EWSR1: variants seen among roughly 807,000 people sequenced by gnomAD.
EWSR1 encodes the protein EWS RNA binding protein 1, also known as RNA-binding protein EWS.
Under a neutral mutation model 92.1 loss-of-function variants are expected in EWSR1, and 14 were observed. The ratio of observed to expected loss-of-function variants is 0.15; its 90% CI spans 0.10 to 0.24. The LOEUF (loss-of-function observed/expected upper bound fraction) is 0.24, where lower values mean the gene tolerates loss of function less well. Ranked by LOEUF, EWSR1 falls within the 10% of genes least tolerant of loss-of-function variation. EWSR1 has a pLI of 1.00. For missense variants in EWSR1, 637 were observed against 870.9 expected (o/e 0.73, Z 3.38); for synonymous variants, 303 against 292.9 (o/e 1.03, Z -0.35).
intron 1 of EWSR1, among the ~76,000 whole-genome samples, chr22:29,270,336 G>T (rs1290426662): frequency 6.6e-6 from 1 of 152,218 alleles, no homozygotes; most frequent in Non-Finnish European, 1.5e-5. Flanking sequence ...CTCAATCACA[G>T]TGAAGTGATT....
rs550839155 is a variant in EWSR1, at chr22:29,286,186, G to A, written c.582-737G>A. Among the ~76,000 whole-genome samples the A allele has an allele frequency of 1.3e-4, 20 of 150,258 alleles. No individual in the cohort carries two copies. In the East Asian group the frequency reaches 3.0e-3, roughly 23 times the overall value. The stretch of plus-strand genomic sequence containing the variant: ...GAGACGGAATCTTCACTCTGTTCCC[G>A]AGTCGCCAAGGCTGGAGTACAGTAG... On this transcript the variant is annotated intron_variant, in intron 6 of 16. Transcript: ENST00000397938.
In EWSR1 at chr22:29,296,396, T is replaced by C. The variant is rs539381362; in HGVS notation, c.1294+28T>C. Reference sequence around the variant, plus strand: ...GAGATGTACTCACTGGCATTCTTAATCTCCCTGGCTATAGAATATGGCATG... The same window carrying C: ...GAGATGTACTCACTGGCATTCTTAACCTCCCTGGCTATAGAATATGGCATG... On this transcript the variant is annotated intron_variant, in intron 12 of 16. Coordinates refer to ENST00000397938, the MANE Select transcript of EWSR1 (RefSeq NM_005243.4). 3.8e-5 allele frequency: 61 copies of C among 1,611,998 alleles called. No homozygotes were observed. In the South Asian group the frequency reaches 6.7e-4, roughly 18 times the overall value.
intron 4 of EWSR1, chr22:29,277,234 T>C (rs1569060450): frequency 8.8e-6 from 2 of 226,412 alleles, no homozygotes; most frequent in Non-Finnish European, 8.8e-6. Flanking sequence ...CCTCCAATAT[T>C]GCTGAGCAGG....
intron 11 of EWSR1, among the ~76,000 whole-genome samples, chr22:29,294,209 C>G (rs1278721635): frequency 6.6e-6 from 1 of 152,108 alleles, no homozygotes; most frequent in Non-Finnish European, 1.5e-5. Context: ...AAAGGTCTTG[C>G]AAATTTTACT....
At chr22:29,298,647 T>G in intron 13 of EWSR1, 86 bp from the exon 14 acceptor site, 1 of 1,495,866 alleles carries the variant, frequency 6.7e-7, no homozygotes, top group Non-Finnish European at 9.3e-7. Flanking sequence ...GTAGTATCTG[T>G]GGGTTTACTT....
At chr22:29,282,945 G>C (rs2059726122) in intron 6 of EWSR1, among the ~76,000 whole-genome samples, 1 of 151,928 alleles carries the variant, frequency 6.6e-6, no homozygotes, top group Non-Finnish European at 1.5e-5. Context: ...TGTATTTTTA[G>C]TAGAGACAGG....
intron 7 of EWSR1, among the ~76,000 whole-genome samples, chr22:29,288,135 G>C (rs2147394505): frequency 6.6e-6 from 1 of 152,324 alleles, no homozygotes; most frequent in Non-Finnish European, 1.5e-5. Context: ...ATTATCTTCA[G>C]AATTTAGGAT....
At chr22:29,292,232 T>C in intron 10 of EWSR1, 63 bp downstream of exon 10, 1 of 1,485,258 alleles carries the variant, frequency 6.7e-7, no homozygotes, top group East Asian at 2.3e-5. Flanking sequence ...CAGAGGTAAA[T>C]GCATGCGTAG....
chr22:29,273,419 T>A (rs1361187538), intron 3 of EWSR1, among the ~76,000 whole-genome samples: 1 of 152,134 alleles, frequency 6.6e-6, no homozygotes, highest in Non-Finnish European at 1.5e-5. Context: ...CCCTTGAGAG[T>A]GTCTTGTTAA....
intron 11 of EWSR1, 183 bp from the exon 12 acceptor site, chr22:29,296,056 T>C: frequency 4.8e-6 from 3 of 628,890 alleles, no homozygotes; most frequent in Non-Finnish European, 7.9e-6. Flanking sequence ...TTGGTTTTTA[T>C]GATAAAGCAG....
chr22:29,294,065 G>A (rs562000106), intron 11 of EWSR1, among the ~76,000 whole-genome samples: 4 of 149,354 alleles, frequency 2.7e-5, no homozygotes, highest in Admixed American at 6.7e-5. Flanking sequence ...GATTTCACCA[G>A]GTTGGTCAGG....
chr22:29,278,518 T>C (rs921992183), intron 5 of EWSR1, among the ~76,000 whole-genome samples: 1 of 150,910 alleles, frequency 6.6e-6, no homozygotes, highest in Admixed American at 6.6e-5. Flanking sequence ...TGAAACCCCG[T>C]CTCTACTAAA....
At chr22:29,288,814 C>G (rs2060237908) in intron 8 of EWSR1, 28 bp downstream of exon 8, 1 of 1,535,276 alleles carries the variant, frequency 6.5e-7, no homozygotes, top group Non-Finnish European at 8.8e-7. Context: ...CTCCTTTTAC[C>G]TAATTTTGTT....
intron 7 of EWSR1, among the ~76,000 whole-genome samples, chr22:29,288,057 G>A (rs1488540258): frequency 6.6e-6 from 1 of 152,010 alleles, no homozygotes; most frequent in Non-Finnish European, 1.5e-5. Context: ...AAGGAAAGGG[G>A]GAAAAATAAT....
rs1283398255 is a variant in EWSR1, at chr22:29,272,187, C to CACTATTTTA, written c.14-21_14-20insAACTATTTT. The CACTATTTTA allele has an allele frequency of 5.0e-6, 8 of 1,608,076 alleles. No individual in the cohort carries two copies. The Middle Eastern group carries it at 5.0e-4, about 100-fold the overall frequency. On this transcript the variant is annotated intron_variant, in intron 1 of 16. Coordinates refer to ENST00000397938, the MANE Select transcript of EWSR1 (RefSeq NM_005243.4). ...CTTCTCCTTGTTTCTGCTAACTTTA[C>CACTATTTTA]ACTATTTTTCCTCCTTGTTTTCCTC... is the stretch of plus-strand genomic sequence containing the variant.
At chr22:29,276,038 C>G (rs1181115946) in intron 4 of EWSR1, 1 of 226,100 alleles carries the variant, frequency 4.4e-6, no homozygotes, top group East Asian at 6.4e-5. Flanking sequence ...TATTTATTAA[C>G]CCAGTGTCTA....
intron 5 of EWSR1, among the ~76,000 whole-genome samples, chr22:29,279,611 A>G (rs1035027292): frequency 1.3e-5 from 2 of 152,226 alleles, no homozygotes; most frequent in Non-Finnish European, 2.9e-5. Context: ...AGGACATTGA[A>G]TTCTGGTTTG....
chr22:29,268,833 T>C (rs1368176059), intron 1 of EWSR1, among the ~76,000 whole-genome samples: 2 of 152,214 alleles, frequency 1.3e-5, no homozygotes, highest in African/African-American at 4.8e-5. Flanking sequence ...TACCGTGGAT[T>C]TGTGGGCCGA....
chr22:29,298,941 C>T (rs1214582255), intron 14 of EWSR1, 46 bp downstream of exon 14: 9 of 1,495,424 alleles, frequency 6.0e-6, no homozygotes, highest in African/African-American at 1.4e-5. Flanking sequence ...GTGAAGCCAC[C>T]CTTCCCTCAC....
Sources: allele counts gnomAD v4.1 joint callset (sites outside exome capture counted in the v4.1 genomes callset), GRCh38; gene constraint gnomAD v4.1.1; transcripts MANE v1.5; gene names NCBI Gene and HGNC (gene_info 2026-07-23, HGNC 2026-07-21).